The following FGF12 variants were observed in gnomAD, a reference collection of about 807,000 sequenced individuals.
The protein encoded by FGF12 is fibroblast growth factor 12B.
Under a neutral mutation model 23.6 loss-of-function variants are expected in FGF12, and 14 were observed. The observed-to-expected ratio is 0.59, with a 90% CI of 0.39 to 0.93. The LOEUF is 0.93. FGF12 is among the 40% of genes least tolerant of loss of function. FGF12 has a pLI of 0.00. For synonymous variants in FGF12, 62 were observed against 77.3 expected (o/e 0.80, Z 1.04); for missense variants, 175 against 217.8 (o/e 0.80, Z 1.24).
At chr3:192,344,229 A>G (rs1028465799) in intron 3 of FGF12, among the ~76,000 whole-genome samples, 1 of 152,182 alleles carries the variant, frequency 6.6e-6, no homozygotes, top group Non-Finnish European at 1.5e-5. Context: ...AAGCATCACT[A>G]TCAGTGTTGT....
chr3:192,319,278 G>C (rs1716403471), intron 4 of FGF12, among the ~76,000 whole-genome samples: 1 of 152,078 alleles, frequency 6.6e-6, no homozygotes, highest in Admixed American at 6.6e-5. Flanking sequence ...TGAAAAGGAA[G>C]ACTAAAACAT....
chr3:192,330,314 C>T (rs1717041327), intron 4 of FGF12, among the ~76,000 whole-genome samples: 1 of 152,022 alleles, frequency 6.6e-6, no homozygotes. Context: ...GGTCGCACAC[C>T]TTCTGACTTC....
intron 2 of FGF12, among the ~76,000 whole-genome samples, chr3:192,678,609 T>A (rs1205615737): frequency 6.6e-6 from 1 of 152,224 alleles, no homozygotes; most frequent in Non-Finnish European, 1.5e-5. Flanking sequence ...TAAACCTCCC[T>A]CCTTTCCCCA....
At chr3:192,178,594 G>C (rs1715992651) in intron 4 of FGF12, among the ~76,000 whole-genome samples, 2 of 152,064 alleles carry the variant, frequency 1.3e-5, no homozygotes, top group Admixed American at 1.3e-4. Context: ...CACCTCCCTG[G>C]TTCAAGCAAT....
intron 2 of FGF12, among the ~76,000 whole-genome samples, chr3:192,564,693 T>C (rs1405155723): frequency 2.6e-5 from 4 of 152,212 alleles, no homozygotes; most frequent in African/African-American, 9.7e-5. Context: ...CAAAATGGGC[T>C]ATAGCAAGTT....
chr3:192,372,392 C>CACAT (rs1719274985), intron 2 of FGF12, among the ~76,000 whole-genome samples: 1 of 35,850 alleles, frequency 2.8e-5, no homozygotes, highest in African/African-American at 1.1e-3. Context: ...TTCATACCAT[C>CACAT]ACACACACAC....
In FGF12 at chr3:192,146,270, A is replaced by ATTT. The variant is rs879200159; in HGVS notation, c.428-2144_428-2143insAAA. 8.4e-3 allele frequency among the ~76,000 whole-genome samples: 770 copies of ATTT among 92,132 alleles called. 16 individuals are homozygous for ATTT. Among genetic ancestry groups the ATTT allele is most frequent in the South Asian group, 0.024 (75 of 3,134 alleles). The allele number at this position is 92,132 out of a possible 152,430, so 60.4% of individuals were successfully genotyped here. The stretch of plus-strand genomic sequence containing the variant: ...AATTTTCTAATTTTCATTAAAGTGT[A>ATTT]TATTTTTTTTTTTTTTTTGAGACGG... On this transcript the variant is annotated intron_variant, in intron 5 of 5. Coordinates refer to ENST00000445105, the MANE Select transcript of FGF12 (RefSeq NM_004113.6).
chr3:192,184,932 T>C (rs1037172801), intron 4 of FGF12, among the ~76,000 whole-genome samples: 4 of 152,234 alleles, frequency 2.6e-5, no homozygotes, highest in African/African-American at 7.2e-5. Context: ...TGTGCCTCCA[T>C]CTCATTAGGG....
At chr3:192,471,063 G>A (rs1299414400) in intron 2 of FGF12, among the ~76,000 whole-genome samples, 1 of 152,160 alleles carries the variant, frequency 6.6e-6, no homozygotes, top group African/African-American at 2.4e-5. Flanking sequence ...TTTACATGAT[G>A]ACTTTCACTC....
At chr3:192,158,211 C>T (rs1206994306) in intron 5 of FGF12, among the ~76,000 whole-genome samples, 2 of 152,132 alleles carry the variant, frequency 1.3e-5, no homozygotes, top group African/African-American at 2.4e-5. Context: ...TCTCATGCTT[C>T]GCAAGTTACT....
At chr3:192,472,870 G>T (rs2108814478) in intron 2 of FGF12, among the ~76,000 whole-genome samples, 1 of 152,154 alleles carries the variant, frequency 6.6e-6, no homozygotes, top group South Asian at 2.1e-4. Context: ...CTCTTTACTT[G>T]GTATTGAGAA....
At chr3:192,294,387 T>C (rs1229089713) in intron 4 of FGF12, among the ~76,000 whole-genome samples, 3 of 152,146 alleles carry the variant, frequency 2.0e-5, no homozygotes, top group Non-Finnish European at 4.4e-5. Flanking sequence ...AAGGCCCCAT[T>C]TCCTAAAACT....
At chr3:192,434,874 C>T (rs947656590) in intron 2 of FGF12, among the ~76,000 whole-genome samples, 78 of 151,944 alleles carry the variant, frequency 5.1e-4, no homozygotes, top group African/African-American at 1.8e-3. Flanking sequence ...GATGGCTTCT[C>T]TATCCATTTA....
intron 2 of FGF12, among the ~76,000 whole-genome samples, chr3:192,607,380 C>T (rs911674418): frequency 1.3e-5 from 2 of 152,032 alleles, no homozygotes; most frequent in Admixed American, 1.3e-4. Flanking sequence ...TAAGGAAGAA[C>T]GAAGAATGTG....
chr3:192,410,776 G>A (rs1721174916), intron 2 of FGF12, among the ~76,000 whole-genome samples: 2 of 152,138 alleles, frequency 1.3e-5, no homozygotes, highest in South Asian at 2.1e-4. Context: ...GGAGTGATGT[G>A]GACAAGGACA....
chr3:192,357,024 G>T (rs952998908), intron 3 of FGF12, among the ~76,000 whole-genome samples: 1 of 152,146 alleles, frequency 6.6e-6, no homozygotes, highest in Non-Finnish European at 1.5e-5. Flanking sequence ...TTTAATAAAA[G>T]CTATAGCACT....
chr3:192,698,011 T>C (rs1490641500), intron 2 of FGF12, among the ~76,000 whole-genome samples: 1 of 152,060 alleles, frequency 6.6e-6, no homozygotes, highest in African/African-American at 2.4e-5. Flanking sequence ...TTCATGATAC[T>C]TGCCAACATC....
At chr3:192,155,068 C>T (rs1385373279) in intron 5 of FGF12, among the ~76,000 whole-genome samples, 4 of 151,058 alleles carry the variant, frequency 2.6e-5, no homozygotes, top group African/African-American at 9.8e-5. Context: ...GTGGGAGTGA[C>T]CCGATTTTCC....
intron 2 of FGF12, among the ~76,000 whole-genome samples, chr3:192,606,299 T>C (rs763349396): frequency 6.6e-6 from 1 of 152,096 alleles, no homozygotes; most frequent in African/African-American, 2.4e-5. Flanking sequence ...ATGTTCTCGC[T>C]TACAAATGGG....
Sources: allele counts gnomAD v4.1 joint callset (sites outside exome capture counted in the v4.1 genomes callset), GRCh38; gene constraint gnomAD v4.1.1; transcripts MANE v1.5; gene names NCBI Gene and HGNC (gene_info 2026-07-23, HGNC 2026-07-21).